B4GALNT2: variants seen among roughly 807,000 people sequenced by gnomAD.
The protein encoded by B4GALNT2 is beta-1,4-N-acetyl-galactosaminyltransferase 2 (SID blood group).
In B4GALNT2, 42 loss-of-function variants were observed where a neutral mutation model predicts 51.1. The ratio of observed to expected loss-of-function variants is 0.82; its 90% CI spans 0.64 to 1.06. B4GALNT2 has a LOEUF of 1.06. Ranked by LOEUF, B4GALNT2 falls within the 50% of genes least tolerant of loss-of-function variation. B4GALNT2 has a pLI of 0.00. For missense variants in B4GALNT2, 602 were observed against 633.6 expected, an observed-to-expected ratio of 0.95 and a Z score of 0.54; for synonymous variants, 253 against 251.7, an observed-to-expected ratio of 1.01 and a Z score of -0.05.
upstream of B4GALNT2, among the ~76,000 whole-genome samples, chr17:49,129,022 G>A (rs1012594208): frequency 5.3e-5 from 8 of 152,304 alleles, no homozygotes; most frequent in Admixed American, 2.0e-4. Flanking sequence ...TCTGAAGACC[G>A]GGATGGCAGA....
chr17:49,148,668 T>C, intron 3 of B4GALNT2: 1 of 562,060 alleles, frequency 1.8e-6, no homozygotes, highest in African/African-American at 1.9e-5. Context: ...CTGCACAACC[T>C]TCATGACATG....
the B4GALNT2 span, among the ~76,000 whole-genome samples, chr17:49,124,820 T>G: frequency 1.1e-4 from 16 of 152,300 alleles, no homozygotes; most frequent in African/African-American, 3.4e-4. Flanking sequence ...TAAGAGCAGG[T>G]TAGTGCTTTA....
At chr17:49,144,159 A>G (rs1465798845) in intron 3 of B4GALNT2, among the ~76,000 whole-genome samples, 4 of 152,126 alleles carry the variant, frequency 2.6e-5, no homozygotes, top group South Asian at 4.1e-4. Context: ...TCTCAAAACA[A>G]CAACAACAAT....
chr17:49,142,263 G>A lies in B4GALNT2; in HGVS notation c.353+91G>A, dbSNP rs543838419. 2.0e-6 allele frequency: 3 copies of A among 1,513,998 alleles called. No homozygotes were observed. In the African/African-American group the frequency reaches 4.1e-5, roughly 21 times the overall value. 93.8% of individuals were successfully genotyped at this position (1,513,998 alleles called of 1,614,324 possible). On this transcript the variant is annotated intron_variant, in intron 3 of 10. Transcript: ENST00000393354. ...TTGTGAATCTTAAGAGAAAAAGCAG[G>A]AAGGAATTCTCTCTCTTGCAAGGGT...
upstream of B4GALNT2, among the ~76,000 whole-genome samples, chr17:49,130,933 A>G (rs1436105279): frequency 2.0e-5 from 3 of 152,172 alleles, no homozygotes; most frequent in African/African-American, 7.2e-5. Context: ...CTTCTTCAGC[A>G]TTTGGGGGTC....
chr17:49,162,393 CT>C (rs1252555234), intron 7 of B4GALNT2, among the ~76,000 whole-genome samples: 1 of 152,124 alleles, frequency 6.6e-6, no homozygotes, highest in Admixed American at 6.6e-5. Context: ...ATGAAAACTA[CT>C]TTCACATCAA....
chr17:49,126,738 G>T, the B4GALNT2 span, among the ~76,000 whole-genome samples: 12 of 144,606 alleles, frequency 8.3e-5, no homozygotes, highest in African/African-American at 3.1e-4. Context: ...TCGGCTCATT[G>T]CAGTCTCCAC....
chr17:49,123,279 C>T, the B4GALNT2 span, among the ~76,000 whole-genome samples: 2 of 152,210 alleles, frequency 1.3e-5, no homozygotes, highest in Non-Finnish European at 2.9e-5. Flanking sequence ...AGATTTCCTC[C>T]TGTCATGGTT....
intron 3 of B4GALNT2, among the ~76,000 whole-genome samples, chr17:49,147,135 G>A (rs954538160): frequency 1.3e-5 from 2 of 152,136 alleles, no homozygotes; most frequent in Non-Finnish European, 2.9e-5. Flanking sequence ...GATCCATATA[G>A]GATGACTAAT....
intron 8 of B4GALNT2, among the ~76,000 whole-genome samples, chr17:49,165,222 A>G (rs1055069607): frequency 1.3e-5 from 2 of 151,750 alleles, no homozygotes; most frequent in African/African-American, 4.8e-5. Context: ...TGTCATCTCC[A>G]TGATTCTACC....
chr17:49,160,949 C>T (rs1399107033), intron 7 of B4GALNT2, among the ~76,000 whole-genome samples: 1 of 151,966 alleles, frequency 6.6e-6, no homozygotes, highest in East Asian at 1.9e-4. Flanking sequence ...GATATAAACC[C>T]AATACATGTT....
At chr17:49,143,498 G>T (rs1402257931) in intron 3 of B4GALNT2, among the ~76,000 whole-genome samples, 2 of 152,100 alleles carry the variant, frequency 1.3e-5, no homozygotes, top group Non-Finnish European at 2.9e-5. Flanking sequence ...TATTGTTGTT[G>T]CTTCTGCAAT....
intron 1 of B4GALNT2, 197 bp downstream of exon 1, chr17:49,133,003 G>T: frequency 6.8e-7 from 1 of 1,460,480 alleles, no homozygotes; most frequent in African/African-American, 1.5e-5. Flanking sequence ...GGCGCGTGCG[G>T]AACGAACTCT....
At chr17:49,141,934 G>C in intron 2 of B4GALNT2, 101 bp from the exon 3 acceptor site, 1 of 1,473,518 alleles carries the variant, frequency 6.8e-7, no homozygotes, top group Non-Finnish European at 9.4e-7. Context: ...TAGGAAAGAA[G>C]ATTTTCAGGG....
chr17:49,167,868 CCAAAGTGCTGGGATTA>C (rs1469877514), intron 9 of B4GALNT2, among the ~76,000 whole-genome samples: 4 of 152,250 alleles, frequency 2.6e-5, no homozygotes, highest in African/African-American at 9.6e-5. Flanking sequence ...CCTCAGCCTC[CCAAAGTGCTGGGATTA>C]CTGGTGTGAG....
chr17:49,135,817 A>G (rs2144269187), intron 1 of B4GALNT2, among the ~76,000 whole-genome samples: 1 of 151,110 alleles, frequency 6.6e-6, no homozygotes, highest in South Asian at 2.1e-4. Flanking sequence ...TAATCCCAGC[A>G]TTTTGGGAGG....
intron 2 of B4GALNT2, among the ~76,000 whole-genome samples, 176 bp downstream of exon 2, chr17:49,141,623 A>G (rs916943741): frequency 7.9e-5 from 12 of 152,134 alleles, no homozygotes; most frequent in Admixed American, 5.9e-4. Flanking sequence ...GATCCAGTCT[A>G]TGTTCTCTAT....
intron 7 of B4GALNT2, among the ~76,000 whole-genome samples, chr17:49,162,081 G>A (rs186488959): frequency 3.3e-5 from 5 of 151,694 alleles, no homozygotes; most frequent in Admixed American, 2.0e-4. Context: ...TCCACCTCCC[G>A]GGCTCACACC....
At chr17:49,131,620 C>T (rs546201016), upstream of B4GALNT2, among the ~76,000 whole-genome samples, 6 of 152,080 alleles carry the variant, frequency 3.9e-5, no homozygotes, top group South Asian at 6.2e-4. Flanking sequence ...CTCGTGTTCT[C>T]GTGCCTTAGC....
Sources: gnomAD v4.1 joint callset for allele counts (sites outside exome capture counted in the v4.1 genomes callset) on GRCh38, gnomAD v4.1.1 for gene constraint, MANE v1.5 for transcripts, NCBI Gene and HGNC (gene_info 2026-07-23, HGNC 2026-07-21) for gene names.